Variants in SARDH observed in about 807,000 individuals in gnomAD.
SARDH encodes the protein sarcosine dehydrogenase, mitochondrial.
SARDH carries 95 observed loss-of-function variants against 109.1 expected under a neutral mutation model. The ratio of observed to expected loss-of-function variants is 0.87; its 90% CI spans 0.74 to 1.03. The LOEUF is 1.03. Among genes scored for constraint, SARDH ranks in the 50% least tolerant of loss-of-function variants. The pLI, the probability that SARDH is intolerant of heterozygous loss-of-function variation, is 0.00. For missense variants in SARDH, 1,267 were observed against 1,287.8 expected, an observed-to-expected ratio of 0.98 and a Z score of 0.25; for synonymous variants, 572 against 534.8, an observed-to-expected ratio of 1.07 and a Z score of -0.96.
At chr9:133,719,541 G>C (rs532532828) in intron 6 of SARDH, among the ~76,000 whole-genome samples, 1 of 152,114 alleles carries the variant, frequency 6.6e-6, no homozygotes, top group Admixed American at 6.5e-5. Flanking sequence ...TCTTCAGGGG[G>C]TGATGCGCTT....
chr9:133,670,195 A>G (rs2519125), intron 19 of SARDH, among the ~76,000 whole-genome samples: 89,938 of 151,868 alleles, frequency 0.59, 27,568 homozygotes, highest in East Asian at 0.79. Flanking sequence ...TGGGTGTGGT[A>G]GTGCACGCCT....
At chr9:133,670,534 TGGCTGTA>T in intron 19 of SARDH, 43 bp downstream of exon 19, 1 of 1,536,876 alleles carries the variant, frequency 6.5e-7, no homozygotes, top group Non-Finnish European at 8.8e-7. Context: ...CTGCCTGCCC[TGGCTGTA>T]GGCAGTTGCT....
chr9:133,708,487 G>A lies in SARDH; in HGVS notation c.1329-59C>T. 1.9e-6 allele frequency: 3 copies of A among 1,550,982 alleles called. No homozygotes were observed. The South Asian group carries it at 3.6e-5, about 19-fold the overall frequency. ...GGGATGGCCCGTCAGGGAAGGGCTA[G>A]CCTAGGACCCAGGGTAAGCCTGGAC... On this transcript the variant is annotated intron_variant, in intron 10 of 20. Coordinates refer to ENST00000439388, the MANE Select transcript of SARDH (RefSeq NM_001134707.2).
At chr9:133,734,499 G>A (rs1451488155) in intron 1 of SARDH, among the ~76,000 whole-genome samples, 1 of 151,454 alleles carries the variant, frequency 6.6e-6, no homozygotes, top group Non-Finnish European at 1.5e-5. Flanking sequence ...TATGTATTAA[G>A]GGCCTGGTAT....
At position 133,717,326 on chromosome 9, in the gene SARDH, C is replaced by T. The variant is rs1324981276; in HGVS notation, c.1150G>A (p.Glu384Lys). The T allele has an allele frequency of 6.2e-7, 1 of 1,613,926 alleles. No homozygotes were observed. The highest frequency in any genetic ancestry group is 1.3e-5 in the African/African-American group (1 of 74,934). ...TGIKSTVCGP[E>K]SFTPDHKPLM... is the part of the protein sequence containing the mutation. ...CCCCAGCTCCGAGGCTGTCACTCAC[C>T]AGGGCCGCAGACCGTGGACTTGATT... The change falls in exon 8 of 21, where the codon GAA becomes AAA. Residue 384 changes from glutamate to lysine, a missense_variant and splice_region_variant. Coordinates refer to ENST00000439388, the MANE Select transcript of SARDH (RefSeq NM_001134707.2).
chr9:133,664,022 CA>C lies in SARDH; in HGVS notation c.2632-9del. On this transcript the variant is annotated splice_polypyrimidine_tract_variant and intron_variant, in intron 20 of 20. Coordinates refer to ENST00000439388, the MANE Select transcript of SARDH (RefSeq NM_001134707.2). ...CACAAAGTCCAGCGAGACCTAGGAGCAGAGGTGGGGATGAGGATCACTCTCT... is the reference window on the plus strand; with the variant it reads ...CACAAAGTCCAGCGAGACCTAGGAGCGAGGTGGGGATGAGGATCACTCTCT... The C allele has an allele frequency of 6.2e-7, 1 of 1,613,752 alleles. No homozygotes were observed. The highest frequency in any genetic ancestry group is 1.3e-5 in the African/African-American group (1 of 75,046).
intron 6 of SARDH, among the ~76,000 whole-genome samples, chr9:133,719,764 C>A (rs1051319803): frequency 6.6e-6 from 1 of 152,066 alleles, no homozygotes; most frequent in African/African-American, 2.4e-5. Flanking sequence ...CTGAGAGGCT[C>A]TCCAGTCCTC....
chr9:133,728,595 C>A lies in SARDH; in HGVS notation c.915+1170G>T, dbSNP rs1414287501. Among the ~76,000 whole-genome samples, 1 of 152,170 alleles carries A rather than the reference C, an allele frequency of 6.6e-6. No individual in the cohort carries two copies. The highest frequency in any genetic ancestry group is 1.5e-5 in the Non-Finnish European group (1 of 68,036). The stretch of plus-strand genomic sequence containing the variant: ...CACTAGGGCTGGGAATTCCTATAGC[C>A]CCTGAGACCCCATCAGAGCCCTTAT... On this transcript the variant is annotated intron_variant, in intron 6 of 20. Transcript: ENST00000439388. This position sits in a 1 kb window ranked among gnomAD's most constrained non-coding sequence, Gnocchi z 5.0.
At chr9:133,702,869 G>T in intron 13 of SARDH, 47 bp downstream of exon 13, 1 of 1,568,642 alleles carries the variant, frequency 6.4e-7, no homozygotes, top group Non-Finnish European at 8.7e-7. Context: ...GCTTATCTGA[G>T]GGACAGGCAG....
chr9:133,666,194 G>T lies in SARDH; in HGVS notation c.2631+541C>A, dbSNP rs1830058504. On this transcript the variant is annotated intron_variant, in intron 20 of 20. Transcript: ENST00000439388. The surrounding 1 kb of genome is among the most constrained non-coding windows in gnomAD (Gnocchi z 5.2). ...GGTTGCCTGGGGTCAGGGGTGTCGG[G>T]GGTGAGGAAAGAGAGGATAGGAACA... Among the ~76,000 whole-genome samples, 1 of 151,950 alleles carries T rather than the reference G, an allele frequency of 6.6e-6. No individual in the cohort carries two copies. The highest frequency in any genetic ancestry group is 1.5e-5 in the Non-Finnish European group (1 of 67,986).
chr9:133,675,539 G>T (rs117040092), intron 17 of SARDH, among the ~76,000 whole-genome samples: 1 of 152,196 alleles, frequency 6.6e-6, no homozygotes, highest in Non-Finnish European at 1.5e-5. Flanking sequence ...AAAGTAACGA[G>T]TGTTGGTGAG....
Position 133,718,722 on chromosome 9 carries a change from A to G in SARDH, c.1020+216T>C, listed in dbSNP as rs751841152. The G allele has an allele frequency of 9.0e-6, 7 of 779,744 alleles. No homozygotes were observed. In the African/African-American group the frequency reaches 1.2e-4, roughly 13 times the overall value. The allele number at this position is 779,744 out of a possible 1,614,324, so 48.3% of individuals were successfully genotyped here. A position where few individuals can be genotyped will look rare whatever the true frequency, so the allele number is the denominator to read the frequency against. ...CCTTCTCTGTGGATGTTTTGAGGCA[A>G]AGCCCTCCAGCTGCCCTGGGTCTGT... On this transcript the variant is annotated intron_variant, in intron 7 of 20. Transcript: ENST00000439388. The surrounding 1 kb of genome is among the most constrained non-coding windows in gnomAD (Gnocchi z 4.2).
upstream of SARDH, among the ~76,000 whole-genome samples, chr9:133,739,435 T>C (rs537212764): frequency 6.6e-6 from 1 of 152,172 alleles, no homozygotes; most frequent in Non-Finnish European, 1.5e-5. Flanking sequence ...AAACCTATAG[T>C]GACATCTAAG....
chr9:133,689,703 GGCT>G (rs1205221294), intron 16 of SARDH, among the ~76,000 whole-genome samples: 1 of 151,606 alleles, frequency 6.6e-6, no homozygotes, highest in African/African-American at 2.4e-5. Flanking sequence ...CTCCACTGGT[GGCT>G]GCTAACATGA....
chr9:133,675,191 TA>T (rs994079835), intron 17 of SARDH, among the ~76,000 whole-genome samples: 48 of 149,948 alleles, frequency 3.2e-4, no homozygotes, highest in African/African-American at 1.1e-3. Flanking sequence ...TAAAAATATT[TA>T]AAAAAAAAAT....
chr9:133,681,543 C>A (rs1588394657), intron 17 of SARDH, among the ~76,000 whole-genome samples: 1 of 152,172 alleles, frequency 6.6e-6, no homozygotes, highest in Non-Finnish European at 1.5e-5. Flanking sequence ...CTGAGCCCAT[C>A]GAGGGAAGGA....
At position 133,709,692 on chromosome 9, in the gene SARDH, A is replaced by G. The variant is rs1045754134; in HGVS notation, c.1329-1264T>C. Among the ~76,000 whole-genome samples the G allele has an allele frequency of 5.9e-5, 9 of 152,104 alleles. No individual in the cohort carries two copies. The highest frequency in any genetic ancestry group is 1.0e-4 in the Non-Finnish European group (7 of 68,032). Reference sequence around the variant, plus strand: ...ATTAACAGCTGCTGTCGCTTATGGCACCCAGCTCCAGTGCAGGCTCAGAGC... The same window carrying G: ...ATTAACAGCTGCTGTCGCTTATGGCGCCCAGCTCCAGTGCAGGCTCAGAGC... On this transcript the variant is annotated intron_variant, in intron 10 of 20. Transcript: ENST00000439388. The surrounding 1 kb of genome is among the most constrained non-coding windows in gnomAD (Gnocchi z 4.2).
intron 18 of SARDH, among the ~76,000 whole-genome samples, chr9:133,671,025 A>C (rs1209282527): frequency 6.6e-6 from 1 of 152,084 alleles, no homozygotes; most frequent in Non-Finnish European, 1.5e-5. Flanking sequence ...GAGCTTCCCA[A>C]TGCCCAAGCT....
chr9:133,693,871 G>C lies in SARDH; in HGVS notation c.1921+387C>G, dbSNP rs774940693. 4.7e-4 allele frequency among the ~76,000 whole-genome samples: 71 copies of C among 152,208 alleles called. No homozygotes were observed. Among genetic ancestry groups the C allele is most frequent in the Non-Finnish European group, 9.4e-4 (64 of 68,036 alleles). ...AAGCTCCAGACTAGAGGGTCACACGGGCCTGAGAAGTCAACCCAGCAAGGA... is the reference window on the plus strand; with the variant it reads ...AAGCTCCAGACTAGAGGGTCACACGCGCCTGAGAAGTCAACCCAGCAAGGA... On this transcript the variant is annotated intron_variant, in intron 15 of 20. Transcript: ENST00000439388. The surrounding 1 kb of genome is among the most constrained non-coding windows in gnomAD (Gnocchi z 5.6).
Sources: allele counts gnomAD v4.1 joint callset (sites outside exome capture counted in the v4.1 genomes callset), GRCh38; gene constraint gnomAD v4.1.1; non-coding constraint Gnocchi (gnomAD v3.1); transcripts MANE v1.5; gene names NCBI Gene and HGNC (gene_info 2026-07-23, HGNC 2026-07-21).